The following MIEF2 variants were observed in gnomAD, a reference collection of about 807,000 sequenced individuals.
MIEF2 encodes mitochondrial elongation factor 2.
MIEF2 carries 1 observed loss-of-function variant against 7.4 expected under a neutral mutation model. That is an observed-to-expected ratio of 0.14 (90% CI 0.05 to 0.64). MIEF2 has a LOEUF of 0.64. MIEF2 is among the 30% of genes least tolerant of loss of function. The probability of loss-of-function intolerance (pLI) is 0.85; values close to 1 mark genes in which losing one functional copy is unlikely to be tolerated. For missense variants in MIEF2, 569 were observed against 623.9 expected, an observed-to-expected ratio of 0.91 and a Z score of 0.94; for synonymous variants, 275 against 290.5, an observed-to-expected ratio of 0.95 and a Z score of 0.54.
Position 18,262,887 on chromosome 17 carries a change from T to C in MIEF2, c.147+20T>C. 6.5e-7 allele frequency: 1 copy of C among 1,530,746 alleles called. No individual in the cohort carries two copies. Among genetic ancestry groups the C allele is most frequent in the Non-Finnish European group, 8.8e-7 (1 of 1,138,792 alleles). The allele number at this position is 1,530,746 out of a possible 1,614,324, so 94.8% of individuals were successfully genotyped here. A position where few individuals can be genotyped will look rare whatever the true frequency, so the allele number is the denominator to read the frequency against. On this transcript the variant is annotated intron_variant, in intron 2 of 3. Coordinates refer to ENST00000323019, the MANE Select transcript of MIEF2 (RefSeq NM_139162.4). ...AAGCGGGTAAGGCCAAGTGGGCGGG[T>C]CATGCCTGAAGCTCCTAGAGGAGGA...
Position 18,263,120 on chromosome 17 carries a change from A to G in MIEF2, c.182A>G (p.Asp61Gly). 1 of 1,613,528 alleles carries G rather than the reference A, an allele frequency of 6.2e-7. No individual in the cohort carries two copies. The highest frequency in any genetic ancestry group is 2.2e-5 in the East Asian group (1 of 44,876). ...IDRATSPRDE[D>G]DTKADSWKEL... ...AGGGCCACTAGCCCGCGGGATGAGG[A>G]TGACACCAAGGCAGACAGCTGGAAG... The change falls in exon 3 of 4, where the codon GAT becomes GGT. Residue 61 changes from aspartate to glycine, a missense_variant. Physicochemically the swap from Asp to Gly is moderately conservative, Grantham distance 94. Coordinates refer to ENST00000323019, the MANE Select transcript of MIEF2 (RefSeq NM_139162.4).
rs539798550 is a variant in MIEF2 at position 18,265,346 on chromosome 17, G to A, written c.*582G>A. On this transcript the variant is annotated 3_prime_UTR_variant, in exon 4 of 4. Transcript: ENST00000323019. ...TGCGTTTAGTTTTCTTGCTGAGCGG[G>A]AGCTCAGTATGACTTGCCACCCACC... 1 of 152,916 alleles carries A rather than the reference G, an allele frequency of 6.5e-6. No individual in the cohort carries two copies. The highest frequency in any genetic ancestry group is 6.5e-5 in the Admixed American group (1 of 15,380). The allele number at this position is 152,916 out of a possible 1,614,324, so 9.5% of individuals were successfully genotyped here.
rs1407220857 is a variant in MIEF2, at chr17:18,264,052, G to A, written c.653G>A (p.Arg218Lys). ...SLVPGVDTVA[R>K]DPRCWAVRRT... ...GTGCCGGGCGTGGACACTGTGGCGAGGGACCCTCGCTGCTGGGCCGTGCGC... is the reference window on the plus strand; with the variant it reads ...GTGCCGGGCGTGGACACTGTGGCGAAGGACCCTCGCTGCTGGGCCGTGCGC... Residue 218 changes from arginine (R) to lysine (K), a missense_variant, in exon 4 of 4, where the codon AGG becomes AAG. Arg to Lys is a conservative substitution (Grantham distance 26, BLOSUM62 2). Transcript: ENST00000323019. The A allele has an allele frequency of 6.4e-7, 1 of 1,552,076 alleles. No homozygotes were observed. The highest frequency in any genetic ancestry group is 8.7e-7 in the Non-Finnish European group (1 of 1,152,846).
intron 1 of MIEF2, chr17:18,260,985 C>G (rs1978382039): frequency 4.3e-6 from 4 of 939,684 alleles, no homozygotes; most frequent in Non-Finnish European, 6.6e-6. Flanking sequence ...TCCGCCCGGG[C>G]CCAGGGCAGG....
In MIEF2 at chr17:18,264,064, G is replaced by T; in HGVS notation, c.665G>T (p.Cys222Phe). The change falls in exon 4 of 4, where the codon TGC becomes TTC. Residue 222 changes from cysteine (C) to phenylalanine (F), a missense_variant. Cys to Phe is a radical substitution (Grantham distance 205, BLOSUM62 -2). Transcript: ENST00000323019. ...GVDTVARDPR[C>F]WAVRRTQLEF... Reference sequence around the variant, plus strand: ...GACACTGTGGCGAGGGACCCTCGCTGCTGGGCCGTGCGCAGGACGCAGCTT... The same window carrying T: ...GACACTGTGGCGAGGGACCCTCGCTTCTGGGCCGTGCGCAGGACGCAGCTT... 1 of 1,553,000 alleles carries T rather than the reference G, an allele frequency of 6.4e-7. No homozygotes were observed. The highest frequency in any genetic ancestry group is 8.7e-7 in the Non-Finnish European group (1 of 1,154,210).
Position 18,262,004 on chromosome 17 carries a change from C to A in MIEF2, c.-7-710C>A, listed in dbSNP as rs554892580. Among the ~76,000 whole-genome samples, 92 of 152,358 alleles carry A rather than the reference C, an allele frequency of 6.0e-4. 3 individuals are homozygous for A. In the South Asian group the frequency reaches 0.018, roughly 30 times the overall value. ...AGCTCTGCCTCTTGGGCTACCCTGT[C>A]AAGATTTGGGGGTAACTGGTCCCAG... On this transcript the variant is annotated intron_variant, in intron 1 of 3. Transcript: ENST00000323019.
intron 1 of MIEF2, chr17:18,261,180 G>T (rs1193702568): frequency 1.3e-5 from 20 of 1,551,410 alleles, no homozygotes; most frequent in Non-Finnish European, 1.4e-5. Flanking sequence ...TATTTAAAGC[G>T]CTTTACAGTT....
chr17:18,261,079 T>C (rs1978388068), intron 1 of MIEF2: 1 of 1,549,764 alleles, frequency 6.5e-7, no homozygotes, highest in East Asian at 2.4e-5. Flanking sequence ...CCCGTGCCCT[T>C]TCCTGCTTCT....
intron 3 of MIEF2, 172 bp from the exon 4 acceptor site, chr17:18,263,538 A>T: frequency 1.0e-6 from 1 of 967,790 alleles, no homozygotes; most frequent in Non-Finnish European, 1.5e-6. Flanking sequence ...GGGCAATGAG[A>T]ACTCGTCACC....
chr17:18,261,377 C>T (rs1978408490), intron 1 of MIEF2, among the ~76,000 whole-genome samples: 1 of 152,170 alleles, frequency 6.6e-6, no homozygotes, highest in Non-Finnish European at 1.5e-5. Flanking sequence ...TCACACAGCG[C>T]TTCAGGCTTC....
chr17:18,262,910 G>C, intron 2 of MIEF2, 43 bp downstream of exon 2: 1 of 1,527,390 alleles, frequency 6.5e-7, no homozygotes, highest in Non-Finnish European at 8.8e-7. Flanking sequence ...TCCTAGAGGA[G>C]GACAACAGGG....
rs561236276 is a variant in MIEF2 at position 18,263,716 on chromosome 17, C to T, written c.317C>T (p.Pro106Leu). 10 of 1,578,060 alleles carry T rather than the reference C, an allele frequency of 6.3e-6. No individual in the cohort carries two copies. The African/African-American group carries it at 1.2e-4, about 19-fold the overall frequency. ...LAPSSSAPEG[P>L]AETDPEVTPQ... ...CCGCCCCTTCACTCTGCAGAAGGGC[C>T]TGCAGAAACTGATCCTGAGGTGACA... is the stretch of plus-strand genomic sequence containing the variant. The change falls in exon 4 of 4, where the codon CCT becomes CTT. Residue 106 changes from proline to leucine, a missense_variant. Pro to Leu is a moderately conservative substitution (Grantham distance 98). Coordinates refer to ENST00000323019, the MANE Select transcript of MIEF2 (RefSeq NM_139162.4).
intron 2 of MIEF2, 51 bp downstream of exon 2, chr17:18,262,918 G>A (rs1978494233): frequency 2.6e-6 from 4 of 1,526,640 alleles, no homozygotes; most frequent in Non-Finnish European, 3.5e-6. Context: ...GAGGACAACA[G>A]GGTTGGGCTT....
Position 18,264,731 on chromosome 17 carries a change from C to G in MIEF2, c.1332C>G (p.Tyr444Ter). Residue 444 changes from tyrosine (Y) to a stop codon, truncating the protein, a stop_gained, in exon 4 of 4, where the codon TAC (tyrosine) becomes TAG (stop). Transcript: ENST00000323019. LOFTEE classifies it high-confidence loss of function. ...EEIDDIGYAL[Y>*]SGLQEPEGLL ...TTGACGACATTGGCTATGCGCTATA[C>G]AGTGGCCTACAGGAGCCCGAGGGGC... The G allele has an allele frequency of 6.2e-7, 1 of 1,611,600 alleles. No individual in the cohort carries two copies. Among genetic ancestry groups the G allele is most frequent in the African/African-American group, 1.3e-5 (1 of 75,024 alleles).
intron 1 of MIEF2, among the ~76,000 whole-genome samples, chr17:18,261,786 C>T (rs980210669): frequency 1.3e-5 from 2 of 152,182 alleles, no homozygotes; most frequent in African/African-American, 2.4e-5. Flanking sequence ...CTTGGCCTTC[C>T]GGCAGTTGAG....
intron 1 of MIEF2, among the ~76,000 whole-genome samples, 197 bp from the exon 2 acceptor site, chr17:18,262,517 C>A (rs751072840): frequency 1.2e-4 from 19 of 152,196 alleles, no homozygotes; most frequent in Non-Finnish European, 2.8e-4. Flanking sequence ...AGGTACTTTA[C>A]GTGATTTCCC....
At position 18,264,716 on chromosome 17, in the gene MIEF2, T is replaced by A. The variant is rs764210755; in HGVS notation, c.1317T>A (p.Ile439=). The A allele has an allele frequency of 6.2e-7, 1 of 1,612,678 alleles. No individual in the cohort carries two copies. Among genetic ancestry groups the A allele is most frequent in the Non-Finnish European group, 8.5e-7 (1 of 1,180,006 alleles). The change falls in exon 4 of 4, where the codon ATT becomes ATA. Residue 439 remains isoleucine (I), a synonymous_variant. Transcript: ENST00000323019. ...TGCGTGAGGAGGAGATTGACGACAT[T>A]GGCTATGCGCTATACAGTGGCCTAC... ...SSLREEEIDD[I]GYALYSGLQE...
chr17:18,264,749 C>G lies in MIEF2; in HGVS notation c.1350C>G (p.Pro450=). 1.9e-6 allele frequency: 3 copies of G among 1,606,502 alleles called. No homozygotes were observed. Among genetic ancestry groups the G allele is most frequent in the Non-Finnish European group, 2.6e-6 (3 of 1,175,066 alleles). ...CGCTATACAGTGGCCTACAGGAGCC[C>G]GAGGGGCTGCTCTAGGTGGGTGGAA... ...GYALYSGLQE[P]EGLL is the part of the protein sequence containing the mutation. The change falls in exon 4 of 4, where the codon CCC becomes CCG. Residue 450 remains proline, a synonymous_variant. Transcript: ENST00000323019.
In MIEF2 at chr17:18,264,091, A is replaced by G; in HGVS notation, c.692A>G (p.Glu231Gly). 6.4e-7 allele frequency: 1 copy of G among 1,552,478 alleles called. No homozygotes were observed. The highest frequency in any genetic ancestry group is 8.7e-7 in the Non-Finnish European group (1 of 1,154,554). ...TGGGCCGTGCGCAGGACGCAGCTTG[A>G]GTTCTGCCCCCGTGGGAGCAGCCCC... ...RCWAVRRTQLEFCPRGSSPWD... is the reference protein window; with the variant it reads ...RCWAVRRTQLGFCPRGSSPWD... The change falls in exon 4 of 4, where the codon GAG becomes GGG. Residue 231 changes from glutamate (E) to glycine (G), a missense_variant. Transcript: ENST00000323019.
Sources: gnomAD v4.1 joint callset for allele counts (sites outside exome capture counted in the v4.1 genomes callset) on GRCh38, gnomAD v4.1.1 for gene constraint, MANE v1.5 for transcripts, NCBI Gene and HGNC (gene_info 2026-07-23, HGNC 2026-07-21) for gene names.